FOLH1: variants seen among roughly 807,000 people sequenced by gnomAD.
FOLH1 encodes the protein glutamate carboxypeptidase 2.
Under a neutral mutation model 93.9 loss-of-function variants are expected in FOLH1, and 54 were observed. The observed-to-expected ratio is 0.57, with a 90% CI of 0.46 to 0.72. FOLH1 has a LOEUF of 0.72. FOLH1 is among the 30% of genes least tolerant of loss of function. The pLI, the probability that FOLH1 is intolerant of heterozygous loss-of-function variation, is 0.00. For missense variants in FOLH1, 571 were observed against 892.5 expected (o/e 0.64, Z 4.59); for synonymous variants, 249 against 303.6 (o/e 0.82, Z 1.87).
chr11:49,205,402 T>G (rs1863789261), intron 2 of FOLH1, among the ~76,000 whole-genome samples: 2 of 152,208 alleles, frequency 1.3e-5, no homozygotes, highest in Non-Finnish European at 2.9e-5. Flanking sequence ...GCTAAATATA[T>G]GCTCTTTGAC....
chr11:49,203,780 G>A (rs1333840063), intron 2 of FOLH1, among the ~76,000 whole-genome samples: 1 of 152,214 alleles, frequency 6.6e-6, no homozygotes, highest in African/African-American at 2.4e-5. Context: ...TATGTCACAA[G>A]TTAGTGTTAC....
Position 49,201,255 on chromosome 11 carries a change from GAT to G in FOLH1, c.225-816_225-815del, listed in dbSNP as rs35326986. Among the ~76,000 whole-genome samples the G allele has an allele frequency of 2.4e-3, 338 of 139,716 alleles. 2 individuals are homozygous for G. Among genetic ancestry groups the G allele is most frequent in the African/African-American group, 6.0e-3 (232 of 38,378 alleles). The allele number at this position is 139,716 out of a possible 152,430, so 91.7% of individuals were successfully genotyped here. ...GACAAGATATTATGTAGCATGAAAA[GAT>G]ATATATATATATATATATATAGTTC... On this transcript the variant is annotated intron_variant, in intron 2 of 18. Transcript: ENST00000256999.
intron 2 of FOLH1, among the ~76,000 whole-genome samples, chr11:49,203,054 CAACAA>C (rs1365393479): frequency 3.3e-5 from 5 of 152,128 alleles, no homozygotes; most frequent in Non-Finnish European, 7.4e-5. Flanking sequence ...ATTCTAGTAT[CAACAA>C]ATTACTTGTG....
intron 17 of FOLH1, among the ~76,000 whole-genome samples, chr11:49,151,690 A>G (rs1590407345): frequency 6.6e-6 from 1 of 152,346 alleles, no homozygotes; most frequent in Admixed American, 6.5e-5. Context: ...CTTACAGAAA[A>G]TAAAACAAAT....
chr11:49,175,868 A>T lies in FOLH1; in HGVS notation c.1010T>A (p.Phe337Tyr). 1 of 1,613,384 alleles carries T rather than the reference A, an allele frequency of 6.2e-7. No individual in the cohort carries two copies. The highest frequency in any genetic ancestry group is 8.5e-7 in the Non-Finnish European group (1 of 1,179,624). ...YNVGPGFTGN[F>Y]STQKVKMHIH... ...AAAATAGTCTCTTAACTGTGTAGAA[A>T]AGTTTCCAGTAAAGCCAGGTCCAAC... Residue 337 changes from phenylalanine to tyrosine, a missense_variant, in exon 8 of 19, where the codon TTT becomes TAT. This residue lies in a region of FOLH1 where 500 missense variants were observed against 822.9 expected (regional missense o/e 0.61). Coordinates refer to ENST00000256999, the MANE Select transcript of FOLH1 (RefSeq NM_004476.3).
At chr11:49,197,281 T>A (rs1432032883) in intron 3 of FOLH1, among the ~76,000 whole-genome samples, 5 of 152,224 alleles carry the variant, frequency 3.3e-5, no homozygotes. Flanking sequence ...AGCAAGTTTA[T>A]GAGCTATTCT....
intron 2 of FOLH1, among the ~76,000 whole-genome samples, chr11:49,203,361 G>C (rs1863490594): frequency 6.6e-6 from 1 of 152,312 alleles, no homozygotes; most frequent in Middle Eastern, 3.4e-3. Flanking sequence ...AAAAAAAGCT[G>C]CTCCTAATTA....
chr11:49,182,464 G>T (rs999359450), intron 7 of FOLH1, among the ~76,000 whole-genome samples: 1 of 151,322 alleles, frequency 6.6e-6, no homozygotes, highest in Non-Finnish European at 1.5e-5. Flanking sequence ...TTTCAATAAT[G>T]AAAGCAGAAG....
intron 1 of FOLH1, among the ~76,000 whole-genome samples, chr11:49,207,208 G>T (rs1295496549): frequency 6.6e-6 from 1 of 152,040 alleles, no homozygotes; most frequent in African/African-American, 2.4e-5. Context: ...GCCTGTAGGG[G>T]GAGGGGAGAG....
chr11:49,174,773 T>C (rs1859791703), intron 9 of FOLH1, 119 bp downstream of exon 9: 1 of 914,634 alleles, frequency 1.1e-6, no homozygotes, highest in Admixed American at 2.8e-5. Flanking sequence ...GTTCCACCGA[T>C]TTTCTTCGTT....
At chr11:49,174,574 A>C (rs1859764529) in intron 9 of FOLH1, among the ~76,000 whole-genome samples, 1 of 152,076 alleles carries the variant, frequency 6.6e-6, no homozygotes, top group Non-Finnish European at 1.5e-5. Context: ...TGGTAAAAAA[A>C]AATTCAGAAA....
At chr11:49,198,564 G>C (rs1184748160) in intron 3 of FOLH1, among the ~76,000 whole-genome samples, 1 of 151,836 alleles carries the variant, frequency 6.6e-6, no homozygotes, top group Non-Finnish European at 1.5e-5. Context: ...AAATTTGATA[G>C]ATCAAAGAGA....
intron 1 of FOLH1, 71 bp downstream of exon 1, chr11:49,208,221 G>T: frequency 8.7e-7 from 1 of 1,152,146 alleles, no homozygotes; most frequent in South Asian, 1.6e-5. Context: ...CTCGGCAGCT[G>T]ACCCGCGAGT....
intron 4 of FOLH1, among the ~76,000 whole-genome samples, chr11:49,187,843 C>T (rs1213250789): frequency 6.6e-6 from 1 of 152,232 alleles, no homozygotes; most frequent in Admixed American, 6.5e-5. Context: ...TAGAATGCCA[C>T]ACATTCAGTG....
chr11:49,161,634 T>C (rs1046437363), intron 13 of FOLH1, among the ~76,000 whole-genome samples: 1 of 152,208 alleles, frequency 6.6e-6, no homozygotes, highest in African/African-American at 2.4e-5. Flanking sequence ...ACATATAAGA[T>C]TAGAATTGAA....
intron 13 of FOLH1, among the ~76,000 whole-genome samples, chr11:49,159,285 T>C (rs904128465): frequency 6.6e-6 from 1 of 152,216 alleles, no homozygotes; most frequent in African/African-American, 2.4e-5. Flanking sequence ...ATGGCTCTTA[T>C]TATTTTGAGG....
intron 18 of FOLH1, among the ~76,000 whole-genome samples, chr11:49,147,182 T>G (rs1181132298): frequency 6.6e-6 from 1 of 152,166 alleles, no homozygotes; most frequent in African/African-American, 2.4e-5. Context: ...AAACTAACAA[T>G]GATGATAGTA....
intron 17 of FOLH1, among the ~76,000 whole-genome samples, chr11:49,152,559 T>G (rs1856604791): frequency 6.6e-6 from 1 of 152,188 alleles, no homozygotes; most frequent in Non-Finnish European, 1.5e-5. Context: ...TTTGCCATGT[T>G]TCTTTGCAGG....
rs1590384675 is a variant in FOLH1, at chr11:49,146,430, G to T, written c.*326C>A. On this transcript the variant is annotated 3_prime_UTR_variant, in exon 19 of 19. Transcript: ENST00000256999. ...CTCTGACATACTGATGTTTTCTTCT[G>T]TGTGAAGTGACATGAATAGATTAGA... 1.3e-5 allele frequency among the ~76,000 whole-genome samples: 2 copies of T among 152,090 alleles called. No individual in the cohort carries two copies. Among genetic ancestry groups the T allele is most frequent in the South Asian group, 4.1e-4 (2 of 4,828 alleles).
Sources: allele counts gnomAD v4.1 joint callset (sites outside exome capture counted in the v4.1 genomes callset), GRCh38; gene constraint gnomAD v4.1.1; regional missense constraint gnomAD v4.1.1; transcripts MANE v1.5; gene names NCBI Gene and HGNC (gene_info 2026-07-23, HGNC 2026-07-21).